C1GALT1: variants seen among roughly 807,000 people sequenced by gnomAD.
C1GALT1 encodes the protein core 1 synthase, glycoprotein-N-acetylgalactosamine 3-beta-galactosyltransferase 1.
C1GALT1 carries 11 observed loss-of-function variants against 31.0 expected under a neutral mutation model. The observed-to-expected ratio is 0.36, with a 90% CI of 0.22 to 0.59. The LOEUF (loss-of-function observed/expected upper bound fraction) is 0.59. Ranked by LOEUF, C1GALT1 falls within the 20% of genes least tolerant of loss-of-function variation. The pLI, the probability that C1GALT1 is intolerant of heterozygous loss-of-function variation, is 0.79. For missense variants in C1GALT1, 424 were observed against 425.2 expected, an observed-to-expected ratio of 1.00 and a Z score of 0.03; for synonymous variants, 175 against 143.6, an observed-to-expected ratio of 1.22 and a Z score of -1.56.
chr7:7,202,695 T>G (rs1781573336), intron 1 of C1GALT1, among the ~76,000 whole-genome samples: 1 of 152,210 alleles, frequency 6.6e-6, no homozygotes, highest in Admixed American at 6.5e-5. Flanking sequence ...AAAACTGTTT[T>G]GGCTATTCAG....
intron 1 of C1GALT1, among the ~76,000 whole-genome samples, chr7:7,214,002 G>T (rs7812145): frequency 0.041 from 6,207 of 152,222 alleles, 286 homozygotes; most frequent in African/African-American, 0.12. Context: ...ATCTCCCAGT[G>T]GGGGGTAGGG....
At position 7,247,019 on chromosome 7, in the gene C1GALT1, T is replaced by G. The variant is rs547380234; in HGVS notation, c.*3292T>G. On this transcript the variant is annotated 3_prime_UTR_variant, in exon 4 of 4. Transcript: ENST00000436587. ...AATTTTATATTGAGGCAGGAAGGGCTCATTAAGTACTAATAAGTACATAAT... is the reference window on the plus strand; with the variant it reads ...AATTTTATATTGAGGCAGGAAGGGCGCATTAAGTACTAATAAGTACATAAT... The G allele has an allele frequency of 5.9e-5, 9 of 152,284 alleles. No homozygotes were observed. The highest frequency in any genetic ancestry group is 1.3e-4 in the Non-Finnish European group (9 of 68,010). The allele number at this position is 152,284 out of a possible 1,614,324, so 9.4% of individuals were successfully genotyped here.
In C1GALT1 at chr7:7,238,851, C is replaced by T; in HGVS notation, c.817C>T (p.His273Tyr). ...AACTTTTCATCCCTTTGTGCCAGAACACCATTTAATTAAAGGTTATCTACC... is the reference window on the plus strand; with the variant it reads ...AACTTTTCATCCCTTTGTGCCAGAATACCATTTAATTAAAGGTTATCTACC... ...KETFHPFVPE[H>Y]HLIKGYLPRT... The change falls in exon 3 of 4, where the codon CAC becomes TAC. Residue 273 changes from histidine to tyrosine, a missense_variant. Around this residue, in one of 3 missense-constraint regions of C1GALT1, gnomAD observed 191 missense variants for 188.8 expected, o/e 1.01. Coordinates refer to ENST00000436587, the MANE Select transcript of C1GALT1 (RefSeq NM_020156.5). The surrounding 1 kb of genome is among the most constrained non-coding windows in gnomAD (Gnocchi z 5.2). 6.2e-7 allele frequency: 1 copy of T among 1,613,894 alleles called. No homozygotes were observed. Among genetic ancestry groups the T allele is most frequent in the African/African-American group, 1.3e-5 (1 of 75,046 alleles).
At chr7:7,165,891 T>A (rs2128226858) in intron 2 of C1GALT1, among the ~76,000 whole-genome samples, 2 of 152,270 alleles carry the variant, frequency 1.3e-5, no homozygotes, top group Middle Eastern at 6.8e-3. Context: ...AAATATTGTA[T>A]AAAATTACCA....
chr7:7,223,429 C>T (rs1363209708), intron 1 of C1GALT1, among the ~76,000 whole-genome samples: 1 of 152,186 alleles, frequency 6.6e-6, no homozygotes. Context: ...TCCGAAAGTG[C>T]TAGGATTACA....
At chr7:7,201,389 C>T (rs1385439952) in intron 1 of C1GALT1, among the ~76,000 whole-genome samples, 50 of 152,202 alleles carry the variant, frequency 3.3e-4, no homozygotes, top group Admixed American at 3.1e-3. Flanking sequence ...GGGCACCCAG[C>T]TGTATGAGGT....
chr7:7,178,706 A>G (rs1780532958), upstream of C1GALT1, among the ~76,000 whole-genome samples: 1 of 152,198 alleles, frequency 6.6e-6, no homozygotes, highest in African/African-American at 2.4e-5. Context: ...TACCTACTAA[A>G]GTGAAAAAGA....
At chr7:7,193,938 A>C (rs1184081868) in intron 1 of C1GALT1, among the ~76,000 whole-genome samples, 1 of 151,436 alleles carries the variant, frequency 6.6e-6, no homozygotes, top group East Asian at 1.9e-4. Context: ...TTGCAGACAT[A>C]GTAAAAGAGT....
intron 2 of C1GALT1, among the ~76,000 whole-genome samples, chr7:7,167,195 A>G (rs1021000835): frequency 6.6e-6 from 1 of 152,182 alleles, no homozygotes; most frequent in African/African-American, 2.4e-5. Flanking sequence ...TCAGATCCCT[A>G]CTGGCTAAAC....
chr7:7,200,275 G>A (rs1781479606), intron 1 of C1GALT1, among the ~76,000 whole-genome samples: 1 of 152,140 alleles, frequency 6.6e-6, no homozygotes, highest in Non-Finnish European at 1.5e-5. Context: ...GTGTGTAAAG[G>A]ATTTTATTTC....
intron 1 of C1GALT1, among the ~76,000 whole-genome samples, chr7:7,196,451 T>G (rs1378150617): frequency 6.6e-6 from 1 of 152,210 alleles, no homozygotes; most frequent in Non-Finnish European, 1.5e-5. Flanking sequence ...ATTTTCTTAC[T>G]CCAGTCTATC....
chr7:7,241,463 T>C (rs1194451219), intron 3 of C1GALT1, among the ~76,000 whole-genome samples: 2 of 152,048 alleles, frequency 1.3e-5, no homozygotes, highest in Non-Finnish European at 2.9e-5. Context: ...AAATTAACTC[T>C]TCTTTTTTTC....
In C1GALT1 at chr7:7,214,003, G is replaced by A. The variant is rs371881457; in HGVS notation, c.-17-20300G>A. Among the ~76,000 whole-genome samples the A allele has an allele frequency of 5.6e-4, 85 of 152,220 alleles. 1 individual carries two copies. In the South Asian group the frequency reaches 0.017, roughly 30 times the overall value. On this transcript the variant is annotated intron_variant, in intron 1 of 3. Transcript: ENST00000436587. The stretch of plus-strand genomic sequence containing the variant: ...CTGATGGGAGGCTCATCTCCCAGTG[G>A]GGGGTAGGGATGTTTCCTTATCTTC...
upstream of C1GALT1, among the ~76,000 whole-genome samples, chr7:7,180,280 T>C (rs1321509468): frequency 6.6e-6 from 1 of 152,252 alleles, no homozygotes; most frequent in Non-Finnish European, 1.5e-5. Flanking sequence ...TATTCTCTAA[T>C]TGAAAATGTC....
At chr7:7,240,667 C>G (rs1367832537) in intron 3 of C1GALT1, among the ~76,000 whole-genome samples, 2 of 152,200 alleles carry the variant, frequency 1.3e-5, no homozygotes, top group Non-Finnish European at 2.9e-5. Flanking sequence ...CAAATTTGTT[C>G]TTTCTCTAGA....
chr7:7,239,646 C>T (rs1181340061), intron 3 of C1GALT1, among the ~76,000 whole-genome samples: 1 of 152,116 alleles, frequency 6.6e-6, no homozygotes, highest in South Asian at 2.1e-4. Context: ...ATTTAATAAG[C>T]CTTGGCTCAC....
Position 7,238,682 on chromosome 7 carries a change from C to G in C1GALT1, c.648C>G (p.Ser216Arg). ...YMSGGAGYVL[S>R]KEALKRFVDA... ...GTGGAGGAGCAGGATATGTACTAAG[C>G]AAAGAAGCCTTGAAAAGATTTGTTG... The change falls in exon 3 of 4, where the codon AGC (serine) becomes AGG (arginine). Residue 216 changes from serine to arginine, a missense_variant. Transcript: ENST00000436587. The surrounding 1 kb of genome is among the most constrained non-coding windows in gnomAD (Gnocchi z 5.2). 3.7e-6 allele frequency: 6 copies of G among 1,613,986 alleles called. No individual in the cohort carries two copies. The highest frequency in any genetic ancestry group is 5.1e-6 in the Non-Finnish European group (6 of 1,179,954).
rs1353529956 is a variant in C1GALT1, at chr7:7,243,723, C to G, written c.1088C>G (p.Pro363Arg). 1.3e-6 allele frequency: 2 copies of G among 1,593,954 alleles called. No homozygotes were observed. Among genetic ancestry groups the G allele is most frequent in the East Asian group, 2.2e-5 (1 of 44,722 alleles). The change falls in exon 4 of 4, where the codon CCT (proline) becomes CGT (arginine). Residue 363 changes from proline to arginine, a missense_variant. Around this residue, in one of 3 missense-constraint regions of C1GALT1, gnomAD observed 191 missense variants for 188.8 expected, o/e 1.01. Coordinates refer to ENST00000436587, the MANE Select transcript of C1GALT1 (RefSeq NM_020156.5). Reference protein sequence around the residue: ...NEDTKVKLGNP With the variant: ...NEDTKVKLGNR ...GATACAAAAGTGAAGTTAGGAAATC[C>G]TTGAAAGAAAATCATGAATGAACAA...
intron 1 of C1GALT1, among the ~76,000 whole-genome samples, chr7:7,185,181 T>C (rs1020082710): frequency 6.6e-6 from 1 of 152,142 alleles, no homozygotes; most frequent in Non-Finnish European, 1.5e-5. Flanking sequence ...CTAAATAAAT[T>C]ATCTAGCACC....
Sources: gnomAD v4.1 joint callset for allele counts (sites outside exome capture counted in the v4.1 genomes callset) on GRCh38, gnomAD v4.1.1 for gene constraint, gnomAD v4.1.1 regional missense constraint, Gnocchi (gnomAD v3.1) non-coding constraint, MANE v1.5 for transcripts, NCBI Gene and HGNC (gene_info 2026-07-23, HGNC 2026-07-21) for gene names.